HS6ST3: variants seen among roughly 807,000 people sequenced by gnomAD.
HS6ST3 encodes the protein heparan sulfate 6-O-sulfotransferase 3.
A neutral mutation model predicts 36.7 loss-of-function variants in HS6ST3; 12 were observed. That is an observed-to-expected ratio of 0.33 (90% CI 0.21 to 0.53). The LOEUF is 0.53. Among genes scored for constraint, HS6ST3 ranks in the 20% least tolerant of loss-of-function variants. The pLI is 0.95. For missense variants in HS6ST3, 584 were observed against 640.9 expected, an observed-to-expected ratio of 0.91 and a Z score of 0.96; for synonymous variants, 240 against 257.5, an observed-to-expected ratio of 0.93 and a Z score of 0.65.
At chr13:96,766,919 A>C (rs967889837) in intron 1 of HS6ST3, among the ~76,000 whole-genome samples, 1 of 152,248 alleles carries the variant, frequency 6.6e-6, no homozygotes, top group Non-Finnish European at 1.5e-5. Context: ...TTCTGAGGGT[A>C]GTTTGCTTTT....
intron 1 of HS6ST3, among the ~76,000 whole-genome samples, chr13:96,516,386 C>T (rs2056072902): frequency 6.6e-6 from 1 of 152,110 alleles, no homozygotes; most frequent in Non-Finnish European, 1.5e-5. Flanking sequence ...TTGTGGCTGA[C>T]AAATGCCCTG....
rs367728447 is a variant in HS6ST3, at chr13:96,416,776, G to A, written c.707+325207G>A. ...CATTTTTTTTTTTTTTTTTTGAGACGGAGTCTCGCTCTGTTGCCCAGGCTA... is the reference window on the plus strand; with the variant it reads ...CATTTTTTTTTTTTTTTTTTGAGACAGAGTCTCGCTCTGTTGCCCAGGCTA... On this transcript the variant is annotated intron_variant, in intron 1 of 1. Coordinates refer to ENST00000376705, the MANE Select transcript of HS6ST3 (RefSeq NM_153456.4). Among the ~76,000 whole-genome samples, 133 of 141,056 alleles carry A rather than the reference G, an allele frequency of 9.4e-4. 1 individual carries two copies. The highest frequency in any genetic ancestry group is 1.6e-3 in the Non-Finnish European group (105 of 66,050). The allele number at this position is 141,056 out of a possible 152,430, so 92.5% of individuals were successfully genotyped here.
At chr13:96,451,832 G>A (rs189489761) in intron 1 of HS6ST3, among the ~76,000 whole-genome samples, 198 of 152,144 alleles carry the variant, frequency 1.3e-3, no homozygotes, top group Admixed American at 4.3e-3. Context: ...TATACTAGGA[G>A]GTTTTTCCTT....
At chr13:96,778,220 C>T (rs1877439882) in intron 1 of HS6ST3, among the ~76,000 whole-genome samples, 1 of 152,086 alleles carries the variant, frequency 6.6e-6, no homozygotes, top group Admixed American at 6.5e-5. Context: ...CCATAAAAAC[C>T]CTAGAAGAAA....
At chr13:96,828,592 A>G (rs1275069305) in intron 1 of HS6ST3, among the ~76,000 whole-genome samples, 2 of 152,160 alleles carry the variant, frequency 1.3e-5, no homozygotes, top group Non-Finnish European at 1.5e-5. Flanking sequence ...AGCTTATTTT[A>G]TCTCCCCAAA....
At chr13:96,611,357 GGAGA>G (rs1215822511) in intron 1 of HS6ST3, among the ~76,000 whole-genome samples, 1 of 151,874 alleles carries the variant, frequency 6.6e-6, no homozygotes, top group Non-Finnish European at 1.5e-5. Context: ...GAGAACATTT[GGAGA>G]GATTTAGTAG....
rs3138578 is a variant in HS6ST3, at chr13:96,739,219, T to TTG, written c.708-93213_708-93212dup. The stretch of plus-strand genomic sequence containing the variant: ...CCTTCTGTTCTCTATCGACATTTGC[T>TTG]TGTGTGTGTGTGTGTGTGTGTGTGT... On this transcript the variant is annotated intron_variant, in intron 1 of 1. Transcript: ENST00000376705. 3.5e-3 allele frequency among the ~76,000 whole-genome samples: 445 copies of TTG among 126,268 alleles called. 4 individuals carry two copies. The highest frequency in any genetic ancestry group is 9.7e-3 in the East Asian group (42 of 4,340). The allele number at this position is 126,268 out of a possible 152,430, so 82.8% of individuals were successfully genotyped here.
chr13:96,164,919 G>A (rs1174476636), intron 1 of HS6ST3, among the ~76,000 whole-genome samples: 3 of 151,900 alleles, frequency 2.0e-5, no homozygotes, highest in Non-Finnish European at 2.9e-5. Flanking sequence ...ATAAAACCAC[G>A]GATACATATT....
intron 1 of HS6ST3, among the ~76,000 whole-genome samples, chr13:96,195,781 G>T (rs1202936128): frequency 6.6e-6 from 1 of 152,114 alleles, no homozygotes; most frequent in Non-Finnish European, 1.5e-5. Flanking sequence ...ATGGCAGAAA[G>T]TAATTCAGAG....
chr13:96,447,731 T>G (rs1204577685), intron 1 of HS6ST3, among the ~76,000 whole-genome samples: 1 of 152,148 alleles, frequency 6.6e-6, no homozygotes, highest in African/African-American at 2.4e-5. Context: ...TAAACCAATC[T>G]CCTGAGCCCT....
chr13:96,253,183 T>C (rs1250016377), intron 1 of HS6ST3, among the ~76,000 whole-genome samples: 2 of 151,930 alleles, frequency 1.3e-5, no homozygotes, highest in African/African-American at 4.8e-5. Flanking sequence ...AGCCAGTTAG[T>C]AGAATCTGCA....
At chr13:96,188,066 G>A (rs2054272677) in intron 1 of HS6ST3, among the ~76,000 whole-genome samples, 1 of 152,136 alleles carries the variant, frequency 6.6e-6, no homozygotes, top group Admixed American at 6.5e-5. Context: ...ATTTTCTGGT[G>A]TGTTCCTCTT....
chr13:96,730,048 C>A (rs1228612196), intron 1 of HS6ST3, among the ~76,000 whole-genome samples: 1 of 152,148 alleles, frequency 6.6e-6, no homozygotes, highest in African/African-American at 2.4e-5. Context: ...TGTATCTTTT[C>A]TGTATGCATA....
intron 1 of HS6ST3, among the ~76,000 whole-genome samples, chr13:96,773,574 G>T (rs947547343): frequency 6.6e-6 from 1 of 152,146 alleles, no homozygotes; most frequent in Non-Finnish European, 1.5e-5. Context: ...GTTCCAACGG[G>T]GCAGAACCCA....
At chr13:96,482,134 C>T (rs1435970015) in intron 1 of HS6ST3, among the ~76,000 whole-genome samples, 1 of 152,192 alleles carries the variant, frequency 6.6e-6, no homozygotes, top group Non-Finnish European at 1.5e-5. Context: ...CAGTGTCTCA[C>T]ACACTGGATG....
chr13:96,689,606 CTT>C (rs34000071), intron 1 of HS6ST3, among the ~76,000 whole-genome samples: 19 of 101,216 alleles, frequency 1.9e-4, no homozygotes, highest in African/African-American at 5.1e-4. Context: ...TTCTTTCTTT[CTT>C]TTTTTTTTTT....
intron 1 of HS6ST3, among the ~76,000 whole-genome samples, chr13:96,554,719 T>C (rs2056232828): frequency 6.6e-6 from 1 of 152,198 alleles, no homozygotes; most frequent in South Asian, 2.1e-4. Flanking sequence ...CTTTTGGTAT[T>C]TCCTCTCATG....
At chr13:96,724,483 C>A (rs545733519) in intron 1 of HS6ST3, among the ~76,000 whole-genome samples, 8 of 152,260 alleles carry the variant, frequency 5.3e-5, no homozygotes, top group African/African-American at 1.9e-4. Flanking sequence ...TCCATCAGCC[C>A]GGAACCTCTC....
chr13:96,662,518 GT>G (rs1555317221), intron 1 of HS6ST3, among the ~76,000 whole-genome samples: 25 of 854 alleles, frequency 0.029, no homozygotes, highest in South Asian at 0.12. Context: ...TGTATGGGGT[GT>G]GTGTGTGTGT....
Sources: allele counts gnomAD v4.1 joint callset (sites outside exome capture counted in the v4.1 genomes callset), GRCh38; gene constraint gnomAD v4.1.1; transcripts MANE v1.5; gene names NCBI Gene and HGNC (gene_info 2026-07-23, HGNC 2026-07-21).